Variants in CRIM1 observed in about 807,000 individuals in gnomAD.
CRIM1 encodes the protein cysteine-rich motor neuron 1 protein.
In CRIM1, 32 loss-of-function variants were observed where a neutral mutation model predicts 116.4. That is an observed-to-expected ratio of 0.27 (90% confidence interval 0.21 to 0.37). The LOEUF is 0.37. Ranked by LOEUF, CRIM1 falls within the 10% of genes least tolerant of loss-of-function variation. The pLI is 1.00. For synonymous variants in CRIM1, 590 were observed against 509.2 expected (o/e 1.16, Z -2.13); for missense variants, 1,331 against 1,354.8 (o/e 0.98, Z 0.28).
At chr2:36,382,083 C>T (rs375894505) in intron 1 of CRIM1, among the ~76,000 whole-genome samples, 1 of 152,186 alleles carries the variant, frequency 6.6e-6, no homozygotes. Context: ...TTGCTCCTCT[C>T]CGGGATTAGG....
At chr2:36,386,010 G>A (rs1671139572) in intron 1 of CRIM1, among the ~76,000 whole-genome samples, 1 of 152,198 alleles carries the variant, frequency 6.6e-6, no homozygotes, top group Admixed American at 6.5e-5. Context: ...TATTTTCAGA[G>A]CACCATGTGT....
intron 2 of CRIM1, among the ~76,000 whole-genome samples, chr2:36,425,151 A>G (rs1219990149): frequency 6.6e-6 from 1 of 152,174 alleles, no homozygotes; most frequent in African/African-American, 2.4e-5. Context: ...GAGGTGAGGG[A>G]CTGGGTATCA....
intron 1 of CRIM1, among the ~76,000 whole-genome samples, chr2:36,392,052 TA>T (rs1671654991): frequency 6.6e-6 from 1 of 152,196 alleles, no homozygotes; most frequent in Non-Finnish European, 1.5e-5. Flanking sequence ...AAATGGGAAA[TA>T]CACATAAAGT....
chr2:36,451,930 G>A (rs1156828336), intron 4 of CRIM1, among the ~76,000 whole-genome samples: 1 of 106,816 alleles, frequency 9.4e-6, no homozygotes, highest in Non-Finnish European at 1.8e-5. Flanking sequence ...GTAGATCCAT[G>A]TGCTTTTTAC....
intron 13 of CRIM1, among the ~76,000 whole-genome samples, 174 bp from the exon 14 acceptor site, chr2:36,537,178 C>A (rs936502330): frequency 3.3e-5 from 5 of 152,154 alleles, no homozygotes; most frequent in African/African-American, 1.2e-4. Context: ...AAGATGAGAG[C>A]CCTGAGGGTC....
In CRIM1 at chr2:36,414,993, A is replaced by T. The variant is rs112566442; in HGVS notation, c.505+18206A>T. On this transcript the variant is annotated intron_variant, in intron 2 of 16. Transcript: ENST00000280527. ...AAAATGGATTGTAGCGGGAAGCTAG[A>T]GTAGAATCAGAAACATTATTTAGGC... Among the ~76,000 whole-genome samples, 3 of 152,250 alleles carry T rather than the reference A, an allele frequency of 2.0e-5. No individual in the cohort carries two copies. In the East Asian group the frequency reaches 5.8e-4, roughly 29 times the overall value.
Position 36,356,494 on chromosome 2 carries a change from A to C in CRIM1, c.202A>C (p.Ser68Arg), listed in dbSNP as rs1395482141. ...GVCGCCYTCA[S>R]QRNESCGGTF... ...CTGCGGCTGCTGCTACACGTGCGCCAGCCAGAGGAACGAGAGCTGCGGCGG... is the reference window on the plus strand; with the variant it reads ...CTGCGGCTGCTGCTACACGTGCGCCCGCCAGAGGAACGAGAGCTGCGGCGG... The change falls in exon 1 of 17, where the codon AGC (serine) becomes CGC (arginine). Residue 68 changes from serine (S) to arginine (R), a missense_variant. Ser to Arg is a moderately radical substitution (Grantham distance 110). This residue lies in a region of CRIM1 where 690 missense variants were observed against 676.0 expected (regional missense o/e 1.02). Coordinates refer to ENST00000280527, the MANE Select transcript of CRIM1 (RefSeq NM_016441.3). This position sits in a 1 kb window ranked among gnomAD's most constrained non-coding sequence, Gnocchi z 4.3. 2 of 1,612,778 alleles carry C rather than the reference A, an allele frequency of 1.2e-6. No individual in the cohort carries two copies. Among genetic ancestry groups the C allele is most frequent in the South Asian group, 1.1e-5 (1 of 91,074 alleles).
intron 9 of CRIM1, among the ~76,000 whole-genome samples, chr2:36,511,474 T>C (rs1334448033): frequency 1.3e-5 from 2 of 152,250 alleles, no homozygotes; most frequent in Non-Finnish European, 2.9e-5. Flanking sequence ...TATTATGTCT[T>C]AGCCTAACTG....
intron 1 of CRIM1, among the ~76,000 whole-genome samples, chr2:36,386,400 AT>A (rs1380687899): frequency 6.6e-6 from 1 of 152,200 alleles, no homozygotes; most frequent in East Asian, 1.9e-4. Context: ...TTGATACAGT[AT>A]TGAGGTTAAA....
At chr2:36,506,868 T>A (rs1052388043) in intron 8 of CRIM1, among the ~76,000 whole-genome samples, 29 of 152,262 alleles carry the variant, frequency 1.9e-4, no homozygotes, top group South Asian at 4.2e-4. Flanking sequence ...TTATTTATTT[T>A]TTTTTTAGAC....
chr2:36,358,065 G>A (rs1031070357), intron 1 of CRIM1, among the ~76,000 whole-genome samples: 1 of 152,166 alleles, frequency 6.6e-6, no homozygotes, highest in African/African-American at 2.4e-5. Context: ...GCAGTGATGA[G>A]TGAAGGGAAC....
chr2:36,537,504 G>C lies in CRIM1; in HGVS notation c.2581G>C (p.Glu861Gln), dbSNP rs536651180. 9 of 1,613,812 alleles carry C rather than the reference G, an allele frequency of 5.6e-6. 1 individual carries two copies. In the Admixed American group the frequency reaches 8.3e-5, roughly 15 times the overall value. The change falls in exon 14 of 17, where the codon GAG (glutamate) becomes CAG (glutamine). Residue 861 changes from glutamate (E) to glutamine (Q), a missense_variant. Physicochemically the swap from Glu to Gln is conservative, Grantham distance 29. Around this residue, in one of 3 missense-constraint regions of CRIM1, gnomAD observed 283 missense variants for 242.8 expected, o/e 1.17. Coordinates refer to ENST00000280527, the MANE Select transcript of CRIM1 (RefSeq NM_016441.3). Reference protein sequence around the residue: ...TVSCPPLPCVEPINVEGSCCP... With the variant: ...TVSCPPLPCVQPINVEGSCCP... The stretch of plus-strand genomic sequence containing the variant: ...CAGCTGCCCCCCTCTGCCCTGTGTT[G>C]AGCCCATCAACGTGGAAGGAAGTTG...
At position 36,537,380 on chromosome 2, in the gene CRIM1, C is replaced by T. The variant is rs776337570; in HGVS notation, c.2457C>T (p.Cys819=). ...IEDTIPKKVV[C]HFSGKAYADE... ...ACACAATTCCAAAGAAGGTGGTGTG[C>T]CACTTCAGTGGGAAGGCCTATGCCG... The change falls in exon 14 of 17, where the codon TGC becomes TGT. Residue 819 remains cysteine (C), a synonymous_variant. Coordinates refer to ENST00000280527, the MANE Select transcript of CRIM1 (RefSeq NM_016441.3). 1 of 1,614,192 alleles carries T rather than the reference C, an allele frequency of 6.2e-7. No homozygotes were observed. The highest frequency in any genetic ancestry group is 8.5e-7 in the Non-Finnish European group (1 of 1,180,046).
chr2:36,480,552 T>A (rs537579786), intron 7 of CRIM1, among the ~76,000 whole-genome samples: 2 of 152,230 alleles, frequency 1.3e-5, no homozygotes, highest in Non-Finnish European at 2.9e-5. Context: ...AATGGACTTA[T>A]CTTTCCAGAA....
At chr2:36,404,023 G>GAC (rs1331095547) in intron 2 of CRIM1, among the ~76,000 whole-genome samples, 1 of 152,114 alleles carries the variant, frequency 6.6e-6, no homozygotes, top group Non-Finnish European at 1.5e-5. Context: ...TGACAGTAAT[G>GAC]TGCATAATGG....
intron 5 of CRIM1, among the ~76,000 whole-genome samples, chr2:36,465,051 G>A (rs1677892496): frequency 6.6e-6 from 1 of 152,160 alleles, no homozygotes; most frequent in Admixed American, 6.6e-5. Flanking sequence ...GCCACACTTG[G>A]GAACAAGAAA....
intron 16 of CRIM1, among the ~76,000 whole-genome samples, chr2:36,547,423 T>C (rs748817952): frequency 1.4e-4 from 21 of 152,224 alleles, no homozygotes; most frequent in Non-Finnish European, 2.5e-4. Context: ...GTTTTCTCGA[T>C]GTACTCTGAA....
At chr2:36,434,557 T>C (rs112978783) in intron 2 of CRIM1, among the ~76,000 whole-genome samples, 2 of 152,342 alleles carry the variant, frequency 1.3e-5, no homozygotes, top group African/African-American at 2.4e-5. Flanking sequence ...CATGAAGATA[T>C]AATCTCTTCT....
At chr2:36,437,049 A>G (rs141756924) in intron 2 of CRIM1, among the ~76,000 whole-genome samples, 2 of 152,348 alleles carry the variant, frequency 1.3e-5, no homozygotes, top group East Asian at 1.9e-4. Flanking sequence ...TTATAAGACA[A>G]CCAAATAGAA....
Sources: allele counts gnomAD v4.1 joint callset (sites outside exome capture counted in the v4.1 genomes callset), GRCh38; gene constraint gnomAD v4.1.1; regional missense constraint gnomAD v4.1.1; non-coding constraint Gnocchi (gnomAD v3.1); transcripts MANE v1.5; gene names NCBI Gene and HGNC (gene_info 2026-07-23, HGNC 2026-07-21).